The following TBCK variants were observed in gnomAD, a reference collection of about 807,000 sequenced individuals.
TBCK encodes TBC1 domain containing kinase, also known as TBC domain-containing protein kinase-like protein.
Under a neutral mutation model 113.4 loss-of-function variants are expected in TBCK, and 99 were observed. The observed-to-expected ratio is 0.87, with a 90% CI of 0.74 to 1.03. The LOEUF is 1.03. TBCK is among the 50% of genes least tolerant of loss of function. The probability of loss-of-function intolerance (pLI) is 0.00; values close to 1 mark genes in which losing one functional copy is unlikely to be tolerated. For synonymous variants in TBCK, 369 were observed against 370.8 expected (o/e 1.00, Z 0.05); for missense variants, 1,045 against 1,061.3 (o/e 0.98, Z 0.21).
At position 106,060,725 on chromosome 4, in the gene TBCK, T is replaced by C. The variant is rs574050581; in HGVS notation, c.2572-14045A>G. ...ACATTTTGTAAGGCTGTAGCTGCTA[T>C]AGATAGTGACTCCTCTGATGCATCT... On this transcript the variant is annotated intron_variant, in intron 25 of 25. Coordinates refer to ENST00000394708, the MANE Select transcript of TBCK (RefSeq NM_001163435.3). 8.5e-4 allele frequency among the ~76,000 whole-genome samples: 129 copies of C among 151,896 alleles called. 1 individual carries two copies. The highest frequency in any genetic ancestry group is 7.7e-4 in the Non-Finnish European group (52 of 67,816).
At chr4:106,081,129 C>T (rs937860520) in intron 25 of TBCK, among the ~76,000 whole-genome samples, 3 of 152,130 alleles carry the variant, frequency 2.0e-5, no homozygotes, top group Non-Finnish European at 2.9e-5. Context: ...ATGGCGATTC[C>T]TCAAAGATCT....
At chr4:106,067,087 C>G (rs1310543225) in intron 25 of TBCK, among the ~76,000 whole-genome samples, 1 of 152,028 alleles carries the variant, frequency 6.6e-6, no homozygotes, top group Non-Finnish European at 1.5e-5. Flanking sequence ...AAGCAAGTGC[C>G]AAAATATTTT....
At chr4:106,294,443 T>C (rs1441937621) in intron 3 of TBCK, among the ~76,000 whole-genome samples, 7 of 151,298 alleles carry the variant, frequency 4.6e-5, no homozygotes, top group African/African-American at 9.7e-5. Context: ...CTGGCCAACA[T>C]AGTGAAGCCC....
chr4:106,053,742 A>C (rs1735077605), intron 25 of TBCK, among the ~76,000 whole-genome samples: 1 of 151,656 alleles, frequency 6.6e-6, no homozygotes, highest in African/African-American at 2.4e-5. Flanking sequence ...CAAACTTAAC[A>C]GTTTCAAAGG....
rs760539039 is a variant in TBCK, at chr4:106,230,442, C to A, written c.1695G>T (p.Leu565Phe). 2.1e-5 allele frequency: 33 copies of A among 1,595,112 alleles called. 1 individual carries two copies. Among genetic ancestry groups the A allele is most frequent in the Non-Finnish European group, 2.7e-5 (32 of 1,167,590 alleles). ...TAAAAGCAGACATACATGCATAAGC[C>A]AAGGCTAAAAGAGAATAAGGCAAAG... ...FLYLNFNNEALAYACMSAFIP... is the reference protein window; with the variant it reads ...FLYLNFNNEAFAYACMSAFIP... Residue 565 changes from leucine to phenylalanine, a missense_variant, in exon 19 of 26, where the codon TTG becomes TTT. By Grantham distance (22) the Leu-to-Phe change is conservative. Coordinates refer to ENST00000394708, the MANE Select transcript of TBCK (RefSeq NM_001163435.3).
chr4:106,064,039 AG>A (rs1265000720), intron 25 of TBCK, among the ~76,000 whole-genome samples: 1 of 151,948 alleles, frequency 6.6e-6, no homozygotes, highest in African/African-American at 2.4e-5. Context: ...TAAGGAATCC[AG>A]GAAGTAATGG....
At chr4:106,204,793 C>T (rs978172164) in intron 20 of TBCK, among the ~76,000 whole-genome samples, 23 of 121,228 alleles carry the variant, frequency 1.9e-4, no homozygotes, top group Non-Finnish European at 3.4e-4. Flanking sequence ...GAGTCTCGCT[C>T]TGTCGCCCAG....
At chr4:106,182,019 T>C (rs529229312) in intron 22 of TBCK, among the ~76,000 whole-genome samples, 4 of 152,330 alleles carry the variant, frequency 2.6e-5, no homozygotes, top group African/African-American at 7.2e-5. Context: ...GTTTTTCCAT[T>C]GGTTTGTGTC....
At chr4:106,084,238 C>T (rs914055005) in intron 25 of TBCK, among the ~76,000 whole-genome samples, 1 of 151,840 alleles carries the variant, frequency 6.6e-6, no homozygotes, top group African/African-American at 2.4e-5. Context: ...TAGAGAGGAA[C>T]ATAAACGACC....
rs146871249 is a variant in TBCK, at chr4:106,176,131, G to A, written c.2060-4861C>T. On this transcript the variant is annotated intron_variant, in intron 22 of 25. Coordinates refer to ENST00000394708, the MANE Select transcript of TBCK (RefSeq NM_001163435.3). ...TACAATGTGTAATGATCAAAACAGG[G>A]TAATCAGAACATCTACCAATTCGAA... is the stretch of plus-strand genomic sequence containing the variant. 4.0e-3 allele frequency among the ~76,000 whole-genome samples: 601 copies of A among 152,142 alleles called. 5 individuals are homozygous for A. Among genetic ancestry groups the A allele is most frequent in the African/African-American group, 0.014 (573 of 41,514 alleles).
chr4:106,143,129 T>C (rs757317542), intron 23 of TBCK, among the ~76,000 whole-genome samples: 1 of 152,206 alleles, frequency 6.6e-6, no homozygotes. Flanking sequence ...CCCAACATTC[T>C]TCTACCCCAA....
intron 24 of TBCK, among the ~76,000 whole-genome samples, chr4:106,106,703 C>A (rs1742204914): frequency 6.6e-6 from 1 of 152,148 alleles, no homozygotes; most frequent in Non-Finnish European, 1.5e-5. Flanking sequence ...AACACACAGA[C>A]CGACGTCACT....
rs1735831730 is a variant in TBCK at position 106,059,792 on chromosome 4, C to T, written c.2572-13112G>A. 2.0e-5 allele frequency among the ~76,000 whole-genome samples: 3 copies of T among 151,714 alleles called. No homozygotes were observed. In the Admixed American group the frequency reaches 2.0e-4, roughly 10 times the overall value. On this transcript the variant is annotated intron_variant, in intron 25 of 25. Transcript: ENST00000394708. ...GAAGGCATGTTGATAGCCAAGATAG[C>T]CCAAAAGTTGGGCATTTTGGGCCAA... is the stretch of plus-strand genomic sequence containing the variant.
intron 16 of TBCK, 47 bp downstream of exon 16, chr4:106,233,538 AAAT>A (rs1252901374): frequency 6.8e-7 from 1 of 1,468,570 alleles, no homozygotes; most frequent in Non-Finnish European, 9.5e-7. Flanking sequence ...CCTAAAATTT[AAAT>A]ATTTGGCAGA....
chr4:106,092,744 C>T (rs570311762), intron 25 of TBCK, among the ~76,000 whole-genome samples: 9 of 152,356 alleles, frequency 5.9e-5, no homozygotes, highest in African/African-American at 1.4e-4. Flanking sequence ...AAGCAATGTG[C>T]GCAGTCCCGG....
intron 25 of TBCK, among the ~76,000 whole-genome samples, chr4:106,064,877 G>C (rs1736449478): frequency 6.6e-6 from 1 of 151,886 alleles, no homozygotes; most frequent in South Asian, 2.1e-4. Context: ...TTTTCCCACA[G>C]GGAGGAAAAC....
intron 4 of TBCK, among the ~76,000 whole-genome samples, chr4:106,261,604 T>A (rs541221651): frequency 1.3e-5 from 2 of 152,144 alleles, no homozygotes; most frequent in South Asian, 4.1e-4. Context: ...TAATGCCCCA[T>A]AAGATTTCCA....
chr4:106,132,949 C>G (rs1036667550), intron 23 of TBCK, among the ~76,000 whole-genome samples: 1 of 152,220 alleles, frequency 6.6e-6, no homozygotes, highest in East Asian at 1.9e-4. Flanking sequence ...AAATGACTAA[C>G]TTGCTTTTGA....
intron 5 of TBCK, among the ~76,000 whole-genome samples, chr4:106,259,532 T>C (rs1192337336): frequency 1.3e-5 from 2 of 151,944 alleles, no homozygotes; most frequent in Non-Finnish European, 2.9e-5. Flanking sequence ...AGTCCTTCTT[T>C]TAGAAAATAC....
Sources: gnomAD v4.1 joint callset for allele counts (sites outside exome capture counted in the v4.1 genomes callset) on GRCh38, gnomAD v4.1.1 for gene constraint, MANE v1.5 for transcripts, NCBI Gene and HGNC (gene_info 2026-07-23, HGNC 2026-07-21) for gene names.